CADM2: variants seen among roughly 807,000 people sequenced by gnomAD.
The protein encoded by CADM2 is immunoglobulin superfamily member 4D.
Under a neutral mutation model 49.8 loss-of-function variants are expected in CADM2, and 12 were observed. That is an observed-to-expected ratio of 0.24 (90% CI 0.15 to 0.39). The LOEUF (loss-of-function observed/expected upper bound fraction) is 0.39, where lower values mean the gene tolerates loss of function less well. Among genes scored for constraint, CADM2 ranks in the 10% least tolerant of loss-of-function variants. CADM2 has a pLI of 1.00. For missense variants in CADM2, 378 were observed against 492.3 expected (o/e 0.77, Z 2.20); for synonymous variants, 214 against 175.4 (o/e 1.22, Z -1.74).
intron 3 of CADM2, among the ~76,000 whole-genome samples, chr3:85,880,707 C>G (rs980070868): frequency 6.6e-6 from 1 of 152,134 alleles, no homozygotes; most frequent in Non-Finnish European, 1.5e-5. Context: ...TCTTGGGATC[C>G]TTTCAAGAAG....
chr3:85,530,477 C>A (rs1221736188), intron 1 of CADM2, among the ~76,000 whole-genome samples: 4 of 151,854 alleles, frequency 2.6e-5, no homozygotes, highest in Non-Finnish European at 1.5e-5. Context: ...ACTACAGGCG[C>A]CCGCCACCAC....
intron 1 of CADM2, among the ~76,000 whole-genome samples, chr3:84,989,998 A>G (rs1437494006): frequency 1.3e-5 from 2 of 151,934 alleles, no homozygotes; most frequent in African/African-American, 4.8e-5. Context: ...TCTTAATAAG[A>G]CAAGTGATGA....
intron 1 of CADM2, among the ~76,000 whole-genome samples, chr3:85,008,625 A>G (rs1276797283): frequency 6.6e-6 from 1 of 152,088 alleles, no homozygotes; most frequent in Non-Finnish European, 1.5e-5. Context: ...TTTCTACTCA[A>G]AAACAAAAAT....
chr3:85,315,538 G>A (rs1380908750), intron 1 of CADM2, among the ~76,000 whole-genome samples: 1 of 152,158 alleles, frequency 6.6e-6, no homozygotes, highest in Non-Finnish European at 1.5e-5. Flanking sequence ...GTAGCAAATT[G>A]TTGAGGCTGT....
At chr3:85,400,417 T>G (rs1184915575) in intron 1 of CADM2, among the ~76,000 whole-genome samples, 2 of 152,160 alleles carry the variant, frequency 1.3e-5, no homozygotes. Context: ...TCTCTTTTTT[T>G]GTTGTGTTTC....
intron 1 of CADM2, among the ~76,000 whole-genome samples, chr3:85,599,212 T>C (rs1402692067): frequency 6.6e-6 from 1 of 152,060 alleles, no homozygotes. Context: ...CTTTGATCGA[T>C]ACCTTTTAGA....
chr3:85,852,912 T>C (rs6799907), intron 3 of CADM2, among the ~76,000 whole-genome samples: 5,716 of 152,166 alleles, frequency 0.038, 156 homozygotes, highest in Middle Eastern at 0.061. Flanking sequence ...GCTGAATCAA[T>C]TAATGGATGT....
intron 8 of CADM2, among the ~76,000 whole-genome samples, chr3:86,033,565 T>A (rs1412083469): frequency 1.3e-5 from 2 of 151,088 alleles, no homozygotes; most frequent in East Asian, 3.9e-4. Context: ...TACACTTGTG[T>A]TCTGTGAAAG....
chr3:85,404,785 G>A (rs770822668), intron 1 of CADM2, among the ~76,000 whole-genome samples: 46 of 152,112 alleles, frequency 3.0e-4, no homozygotes, highest in Non-Finnish European at 1.3e-4. Flanking sequence ...AAAATTTCCT[G>A]TCAGGTGCAA....
chr3:85,152,769 AAC>A (rs2039967595), intron 1 of CADM2, among the ~76,000 whole-genome samples: 3 of 152,060 alleles, frequency 2.0e-5, no homozygotes, highest in South Asian at 4.2e-4. Context: ...CATCCTGGCT[AAC>A]ACAGTGAAAC....
At chr3:85,023,581 A>G (rs538082143) in intron 1 of CADM2, among the ~76,000 whole-genome samples, 15 of 152,016 alleles carry the variant, frequency 9.9e-5, no homozygotes, top group Admixed American at 6.6e-5. Context: ...GATTATAAAA[A>G]TTCAAACCAC....
chr3:85,424,497 A>T (rs981513386), intron 1 of CADM2, among the ~76,000 whole-genome samples: 14 of 152,244 alleles, frequency 9.2e-5, no homozygotes, highest in Non-Finnish European at 1.5e-4. Flanking sequence ...GAGCTGAAAT[A>T]AAGGGCTTTG....
At chr3:85,793,711 G>C (rs761538197) in intron 2 of CADM2, among the ~76,000 whole-genome samples, 3 of 152,270 alleles carry the variant, frequency 2.0e-5, no homozygotes, top group Middle Eastern at 3.4e-3. Context: ...GATTTCAAAT[G>C]TTCATTCTCT....
intron 8 of CADM2, chr3:86,012,510 C>A: frequency 8.1e-7 from 1 of 1,241,668 alleles, no homozygotes; most frequent in Non-Finnish European, 1.1e-6. Context: ...GGGCGGACTG[C>A]CCTGAGGAGG....
At chr3:85,697,098 C>CCATATATATATATGG (rs201856046) in intron 1 of CADM2, among the ~76,000 whole-genome samples, 6 of 142,660 alleles carry the variant, frequency 4.2e-5, no homozygotes, top group African/African-American at 1.0e-4. Context: ...TATATATATG[C>CCATATATATATATGG]CATATATATA....
intron 8 of CADM2, among the ~76,000 whole-genome samples, chr3:86,034,413 C>G (rs780323940): frequency 6.6e-6 from 1 of 151,936 alleles, no homozygotes; most frequent in Admixed American, 6.6e-5. Context: ...TCACCTTCCA[C>G]GACATGAGGA....
intron 3 of CADM2, among the ~76,000 whole-genome samples, chr3:85,877,684 G>T (rs548948494): frequency 0.042 from 4,652 of 111,774 alleles, 260 homozygotes; most frequent in African/African-American, 0.14. Flanking sequence ...TTTTTCTTCT[G>T]TTTTTTTTTT....
intron 1 of CADM2, among the ~76,000 whole-genome samples, chr3:85,548,303 A>G (rs1306342534): frequency 3.0e-5 from 2 of 65,678 alleles, no homozygotes; most frequent in Admixed American, 1.9e-4. Context: ...ACGTTCTTTC[A>G]TTGGGCTTGA....
At chr3:85,633,809 A>T (rs1193395205) in intron 1 of CADM2, among the ~76,000 whole-genome samples, 2 of 152,100 alleles carry the variant, frequency 1.3e-5, no homozygotes, top group African/African-American at 4.8e-5. Context: ...AAAAAGTGGA[A>T]ATATTTTCAA....
Sources: allele counts gnomAD v4.1 joint callset (sites outside exome capture counted in the v4.1 genomes callset), GRCh38; gene constraint gnomAD v4.1.1; transcripts MANE v1.5; gene names NCBI Gene and HGNC (gene_info 2026-07-23, HGNC 2026-07-21).